LIMD1: variants seen among roughly 807,000 people sequenced by gnomAD.
LIMD1 encodes the protein LIM domain-containing protein 1.
A neutral mutation model predicts 58.4 loss-of-function variants in LIMD1; 23 were observed. That is an observed-to-expected ratio of 0.39 (90% CI 0.28 to 0.56). The LOEUF (loss-of-function observed/expected upper bound fraction) is 0.56. Among genes scored for constraint, LIMD1 ranks in the 20% least tolerant of loss-of-function variants. LIMD1 has a pLI of 0.57. For missense variants in LIMD1, 838 were observed against 855.5 expected (o/e 0.98, Z 0.25); for synonymous variants, 334 against 345.5 (o/e 0.97, Z 0.37).
intron 2 of LIMD1, among the ~76,000 whole-genome samples, chr3:45,641,705 T>C (rs1701844455): frequency 6.6e-6 from 1 of 152,112 alleles, no homozygotes; most frequent in Non-Finnish European, 1.5e-5. Flanking sequence ...CACTGTTACT[T>C]TAGGCAGTTT....
intron 2 of LIMD1, among the ~76,000 whole-genome samples, chr3:45,639,037 G>T (rs114891075): frequency 0.03 from 4,606 of 152,196 alleles, 76 homozygotes; most frequent in Non-Finnish European, 0.041. Context: ...CCAGCTAATG[G>T]TTTAAAATTT....
At chr3:45,660,313 G>A (rs1417954390) in intron 2 of LIMD1, among the ~76,000 whole-genome samples, 3 of 152,078 alleles carry the variant, frequency 2.0e-5, no homozygotes, top group Non-Finnish European at 4.4e-5. Context: ...CGAAAGTGGG[G>A]AGCTCCACAA....
In LIMD1 at chr3:45,673,436, C is replaced by CT; in HGVS notation, c.1773-15dup. The CT allele has an allele frequency of 6.2e-7, 1 of 1,612,254 alleles. No homozygotes were observed. Among genetic ancestry groups the CT allele is most frequent in the Non-Finnish European group, 8.5e-7 (1 of 1,178,472 alleles). ...CTCCCAGAAGCAACATTTATTGCTGCTTTGTTTCTCCCCACAGGGTGCTGG... is the reference window on the plus strand; with the variant it reads ...CTCCCAGAAGCAACATTTATTGCTGCTTTTGTTTCTCCCCACAGGGTGCTGG... On this transcript the variant is annotated splice_polypyrimidine_tract_variant and intron_variant, in intron 5 of 7. Transcript: ENST00000273317.
intron 1 of LIMD1, among the ~76,000 whole-genome samples, chr3:45,617,034 A>ATT (rs35895557): frequency 0.057 from 6,554 of 114,092 alleles, 257 homozygotes; most frequent in Middle Eastern, 0.09. Flanking sequence ...TGCCTGGCCT[A>ATT]TTTTTTTTTT....
intron 2 of LIMD1, among the ~76,000 whole-genome samples, chr3:45,663,334 G>A (rs1697468550): frequency 6.6e-6 from 1 of 152,188 alleles, no homozygotes; most frequent in Non-Finnish European, 1.5e-5. Context: ...GAAGTGTGTT[G>A]TGGATTATGT....
chr3:45,651,245 A>G (rs1291763686), intron 2 of LIMD1, among the ~76,000 whole-genome samples: 1 of 152,190 alleles, frequency 6.6e-6, no homozygotes, highest in Non-Finnish European at 1.5e-5. Flanking sequence ...CCTTTATCAG[A>G]TGGGTAGATT....
rs1697721664 is a variant in LIMD1 at position 45,680,111 on chromosome 3, G to A, written c.*3052G>A. 1 of 152,180 alleles carries A rather than the reference G, an allele frequency of 6.6e-6. No homozygotes were observed. Among genetic ancestry groups the A allele is most frequent in the African/African-American group, 2.4e-5 (1 of 41,426 alleles). 9.4% of individuals were successfully genotyped at this position (152,180 alleles called of 1,614,324 possible). A position where few individuals can be genotyped will look rare whatever the true frequency, so the allele number is the denominator to read the frequency against. On this transcript the variant is annotated 3_prime_UTR_variant, in exon 8 of 8. Transcript: ENST00000273317. ...GAAGAACAGAAATGTTAGGACTTAA[G>A]AGAATGTTTGGAATTCACACCTCTT...
At position 45,594,927 on chromosome 3, in the gene LIMD1, G is replaced by C. The variant is rs1200116155; in HGVS notation, c.48G>C (p.Glu16Asp). 6.2e-7 allele frequency: 1 copy of C among 1,613,056 alleles called. No individual in the cohort carries two copies. Among genetic ancestry groups the C allele is most frequent in the Admixed American group, 1.7e-5 (1 of 59,994 alleles). The part of the protein sequence containing the change: ...DLGLEASKFI[E>D]DLNMYEASKD... ...GCCTGGAGGCCAGTAAATTCATCGAGGACCTGAACATGTATGAGGCCTCTA... is the reference window on the plus strand; with the variant it reads ...GCCTGGAGGCCAGTAAATTCATCGACGACCTGAACATGTATGAGGCCTCTA... The change falls in exon 1 of 8, where the codon GAG becomes GAC. Residue 16 changes from glutamate (E) to aspartate (D), a missense_variant. Glu to Asp is a conservative substitution (Grantham distance 45). Transcript: ENST00000273317.
At chr3:45,603,120 C>A (rs1054660077) in intron 1 of LIMD1, among the ~76,000 whole-genome samples, 2 of 152,234 alleles carry the variant, frequency 1.3e-5, no homozygotes, top group Non-Finnish European at 2.9e-5. Context: ...GGATTACAGG[C>A]GTGAGCCACT....
intron 1 of LIMD1, among the ~76,000 whole-genome samples, chr3:45,596,494 G>C: frequency 6.6e-6 from 1 of 152,294 alleles, no homozygotes; most frequent in East Asian, 1.9e-4. Context: ...AGCGGACCTT[G>C]CAGCTGGGGT....
intron 3 of LIMD1, among the ~76,000 whole-genome samples, chr3:45,667,545 G>A (rs537842410): frequency 6.7e-6 from 1 of 150,004 alleles, no homozygotes; most frequent in African/African-American, 2.5e-5. Flanking sequence ...CTAGTCTAGC[G>A]TGTAGCATCT....
Position 45,673,494 on chromosome 3 carries a change from C to A in LIMD1, c.1813C>A (p.Leu605Ile). Residue 605 changes from leucine to isoleucine, a missense_variant, in exon 6 of 8, where the codon CTT becomes ATT. By Grantham distance (5) the Leu-to-Ile change is conservative. This residue lies in a region of LIMD1 where 174 missense variants were observed against 197.4 expected (regional missense o/e 0.88). Coordinates refer to ENST00000273317, the MANE Select transcript of LIMD1 (RefSeq NM_014240.3). ...GTGTGCAGCCTGTGGGCTTCCCATCCTTCCACCTGAGGTAAGATGCCCTTC... is the reference window on the plus strand; with the variant it reads ...GTGTGCAGCCTGTGGGCTTCCCATCATTCCACCTGAGGTAAGATGCCCTTC... Reference protein sequence around the residue: ...PKCAACGLPILPPEGSDETIR... With the variant: ...PKCAACGLPIIPPEGSDETIR... The A allele has an allele frequency of 6.2e-7, 1 of 1,613,606 alleles. No individual in the cohort carries two copies. Among genetic ancestry groups the A allele is most frequent in the African/African-American group, 1.3e-5 (1 of 75,038 alleles).
In LIMD1 at chr3:45,604,675, A is replaced by C. The variant is rs116191623; in HGVS notation, c.1408+8388A>C. Among the ~76,000 whole-genome samples, 1,067 of 152,180 alleles carry C rather than the reference A, an allele frequency of 7.0e-3. 10 individuals carry two copies. Among genetic ancestry groups the C allele is most frequent in the African/African-American group, 0.024 (988 of 41,520 alleles). On this transcript the variant is annotated intron_variant, in intron 1 of 7. Transcript: ENST00000273317. The stretch of plus-strand genomic sequence containing the variant: ...TGAGGTCCTTGCCTTGGTGGCTCCC[A>C]ACGGATGTTCTTCTGGCCAGTGCTG...
At chr3:45,629,608 C>T (rs1221282844) in intron 1 of LIMD1, among the ~76,000 whole-genome samples, 8 of 152,110 alleles carry the variant, frequency 5.3e-5, no homozygotes, top group South Asian at 2.1e-4. Flanking sequence ...GCCTTGCTCC[C>T]ATCCTGGGCC....
chr3:45,605,608 G>T (rs1238755178), intron 1 of LIMD1, among the ~76,000 whole-genome samples: 2 of 152,198 alleles, frequency 1.3e-5, no homozygotes, highest in Non-Finnish European at 2.9e-5. Context: ...AGGCCAATTT[G>T]CTTGGAAGAG....
At chr3:45,631,976 T>C (rs887382176) in intron 1 of LIMD1, among the ~76,000 whole-genome samples, 1 of 152,012 alleles carries the variant, frequency 6.6e-6, no homozygotes, top group African/African-American at 2.4e-5. Context: ...CTGTGGGTGG[T>C]GGAAAGGGTG....
At chr3:45,597,103 G>A (rs1257187455) in intron 1 of LIMD1, among the ~76,000 whole-genome samples, 3 of 151,730 alleles carry the variant, frequency 2.0e-5, no homozygotes, top group South Asian at 2.1e-4. Flanking sequence ...CTCGTGATCC[G>A]CCCGCCTTGG....
chr3:45,629,050 A>G (rs902794123), intron 1 of LIMD1, among the ~76,000 whole-genome samples: 1 of 152,164 alleles, frequency 6.6e-6, no homozygotes, highest in African/African-American at 2.4e-5. Context: ...GCATGAGGAC[A>G]TGGGGAATCT....
At chr3:45,653,280 G>A (rs1207065840) in intron 2 of LIMD1, among the ~76,000 whole-genome samples, 4 of 152,182 alleles carry the variant, frequency 2.6e-5, no homozygotes, top group South Asian at 2.1e-4. Context: ...TAGCTCTGGT[G>A]GGTGTCATTT....
Sources: allele counts gnomAD v4.1 joint callset (sites outside exome capture counted in the v4.1 genomes callset), GRCh38; gene constraint gnomAD v4.1.1; regional missense constraint gnomAD v4.1.1; transcripts MANE v1.5; gene names NCBI Gene and HGNC (gene_info 2026-07-23, HGNC 2026-07-21).